Variants in PRDM15 observed in about 807,000 individuals in gnomAD.
The protein encoded by PRDM15 is PR/SET domain 15, also known as PR domain zinc finger protein 15.
A neutral mutation model predicts 128.6 loss-of-function variants in PRDM15; 64 were observed. That is an observed-to-expected ratio of 0.50 (90% CI 0.41 to 0.61). PRDM15 has a LOEUF of 0.61. PRDM15 is among the 20% of genes least tolerant of loss of function. PRDM15 has a pLI of 0.00. For synonymous variants in PRDM15, 615 were observed against 621.8 expected, an observed-to-expected ratio of 0.99 and a Z score of 0.16; for missense variants, 1,242 against 1,569.1, an observed-to-expected ratio of 0.79 and a Z score of 3.52.
chr21:41,802,944 C>T (rs748951155), intron 22 of PRDM15, 23 bp from the exon 23 acceptor site: 17 of 1,607,550 alleles, frequency 1.1e-5, no homozygotes, highest in African/African-American at 4.0e-5. Context: ...CGGTTTCAGC[C>T]GAGAACCAGG....
At chr21:41,829,854 T>C (rs922099715) in intron 11 of PRDM15, among the ~76,000 whole-genome samples, 1,617 of 142,726 alleles carry the variant, frequency 0.011, 31 homozygotes, top group African/African-American at 0.04. Context: ...ACCATATACA[T>C]TATCACATAC....
chr21:41,812,447 GGGGGA>G (rs2061895443), intron 19 of PRDM15: 1 of 152,314 alleles, frequency 6.6e-6, no homozygotes, highest in East Asian at 1.9e-4. Context: ...TTAGAGCCCG[GGGGGA>G]GGCGTACAGA....
chr21:41,808,724 CATT>C (rs200206575), intron 21 of PRDM15, among the ~76,000 whole-genome samples: 2,410 of 152,282 alleles, frequency 0.016, 49 homozygotes, highest in Non-Finnish European at 0.019. Flanking sequence ...TGTATACACA[CATT>C]ATATATGTGC....
chr21:41,836,213 GAACC>G lies in PRDM15; in HGVS notation c.1184-10_1184-7del. The G allele has an allele frequency of 6.2e-7, 1 of 1,612,990 alleles. No homozygotes were observed. The highest frequency in any genetic ancestry group is 1.7e-5 in the Admixed American group (1 of 59,996). On this transcript the variant is annotated splice_region_variant and splice_polypyrimidine_tract_variant and intron_variant, in intron 9 of 23. Coordinates refer to ENST00000398548, the MANE Select transcript of PRDM15 (RefSeq NM_001040424.3). ...GCACTTAAACAGCTTGTCACCTGAG[GAACC>G]AACCAACAGAGAGCTCATTCACTAC...
At chr21:41,805,659 C>A (rs73373489) in intron 21 of PRDM15, among the ~76,000 whole-genome samples, 5,987 of 152,064 alleles carry the variant, frequency 0.039, 262 homozygotes, top group African/African-American at 0.11. Flanking sequence ...GCAAAGGACC[C>A]TGAGCAAAAG....
chr21:41,837,576 G>T (rs1219225782), intron 8 of PRDM15, among the ~76,000 whole-genome samples: 1 of 152,142 alleles, frequency 6.6e-6, no homozygotes, highest in East Asian at 1.9e-4. Flanking sequence ...CAGCGTTTCA[G>T]CTTGGGAAGA....
intron 1 of PRDM15, chr21:41,861,430 C>T: frequency 5.5e-6 from 4 of 732,018 alleles, no homozygotes; most frequent in South Asian, 1.8e-5. Flanking sequence ...GCCTCACATT[C>T]CTGGGCTGTA....
At position 41,821,235 on chromosome 21, in the gene PRDM15, G is replaced by C; in HGVS notation, c.1897-5C>G. The C allele has an allele frequency of 6.2e-7, 1 of 1,614,014 alleles. No individual in the cohort carries two copies. The highest frequency in any genetic ancestry group is 8.5e-7 in the Non-Finnish European group (1 of 1,180,018). ...CTTCCCCCGGCCGAAGGTGAGCTGC[G>C]GGCCAGGTGGACAGGGCACTGCTGA... is the stretch of plus-strand genomic sequence containing the variant. On this transcript the variant is annotated splice_region_variant and splice_polypyrimidine_tract_variant and intron_variant, in intron 15 of 23. Coordinates refer to ENST00000398548, the MANE Select transcript of PRDM15 (RefSeq NM_001040424.3). The surrounding 1 kb of genome is among the most constrained non-coding windows in gnomAD (Gnocchi z 5.4).
chr21:41,868,023 G>T (rs1349506985), intron 1 of PRDM15, among the ~76,000 whole-genome samples: 1 of 140,328 alleles, frequency 7.1e-6, no homozygotes, highest in Non-Finnish European at 1.5e-5. Context: ...ACTGCAGCCT[G>T]GGCAACATTG....
intron 6 of PRDM15, among the ~76,000 whole-genome samples, chr21:41,846,698 A>G (rs542576649): frequency 6.6e-6 from 1 of 152,350 alleles, no homozygotes; most frequent in African/African-American, 2.4e-5. Flanking sequence ...CCTTGTCTCA[A>G]AAAAAGAAAA....
chr21:41,827,589 G>C (rs2062514784), intron 12 of PRDM15, among the ~76,000 whole-genome samples: 1 of 152,206 alleles, frequency 6.6e-6, no homozygotes. Context: ...CGATCCTCCA[G>C]CTGCAGCCTC....
chr21:41,861,748 G>C, intron 1 of PRDM15: 1 of 1,613,934 alleles, frequency 6.2e-7, no homozygotes, highest in Non-Finnish European at 8.5e-7. Flanking sequence ...CTGAACTTGT[G>C]TGTCTGAGAG....
chr21:41,810,937 TTCA>T lies in PRDM15; in HGVS notation c.2393-104_2393-102del. The T allele has an allele frequency of 3.9e-6, 4 of 1,023,924 alleles. No homozygotes were observed. Among genetic ancestry groups the T allele is most frequent in the Non-Finnish European group, 6.1e-6 (4 of 658,636 alleles). The allele number at this position is 1,023,924 out of a possible 1,614,324, so 63.4% of individuals were successfully genotyped here. ...GACACGTTCCAGGCACTGTAGGGCC[TTCA>T]GGAGAAGGTGAATTGCAAGAAGACA... On this transcript the variant is annotated intron_variant, in intron 19 of 23. Coordinates refer to ENST00000398548, the MANE Select transcript of PRDM15 (RefSeq NM_001040424.3). This position sits in a 1 kb window ranked among gnomAD's most constrained non-coding sequence, Gnocchi z 6.4.
In PRDM15 at chr21:41,821,083, C is replaced by A; in HGVS notation, c.2044G>T (p.Asp682Tyr). ...HMVIHRENLP[D>Y]PNVQKYIHPC... The stretch of plus-strand genomic sequence containing the variant: ...AGGCCTCACTTCTGCACGTTGGGGT[C>A]CGGCAGGTTTTCACGGTGGATGACC... Residue 682 changes from aspartate to tyrosine, a missense_variant, in exon 16 of 24, where the codon GAC becomes TAC. Physicochemically the swap from Asp to Tyr is radical, Grantham distance 160. Coordinates refer to ENST00000398548, the MANE Select transcript of PRDM15 (RefSeq NM_001040424.3). This position sits in a 1 kb window ranked among gnomAD's most constrained non-coding sequence, Gnocchi z 5.4. 1 of 1,614,212 alleles carries A rather than the reference C, an allele frequency of 6.2e-7. No homozygotes were observed. Among genetic ancestry groups the A allele is most frequent in the Non-Finnish European group, 8.5e-7 (1 of 1,180,036 alleles).
intron 11 of PRDM15, among the ~76,000 whole-genome samples, chr21:41,831,048 A>G (rs2062673374): frequency 1.3e-5 from 2 of 152,216 alleles, no homozygotes; most frequent in African/African-American, 4.8e-5. Flanking sequence ...GGAGGACATG[A>G]CAGCTGGGTG....
At chr21:41,807,008 CCAT>C (rs2061702243) in intron 21 of PRDM15, among the ~76,000 whole-genome samples, 2 of 151,506 alleles carry the variant, frequency 1.3e-5, no homozygotes, top group South Asian at 2.1e-4. Flanking sequence ...TCTACCACCA[CCAT>C]CACCAACACC....
chr21:41,831,106 C>T (rs2062675895), intron 11 of PRDM15, among the ~76,000 whole-genome samples: 1 of 152,250 alleles, frequency 6.6e-6, no homozygotes, highest in Non-Finnish European at 1.5e-5. Context: ...GGCCCCTGGG[C>T]TCTCACCCAT....
Position 41,874,694 on chromosome 21 carries a change from C to T in PRDM15, c.-10+4576G>A, listed in dbSNP as rs1008680573. On this transcript the variant is annotated intron_variant, in intron 1 of 23. Transcript: ENST00000398548. ...CACATCAAGAATTAAGGACCCTGAACTCACAGTGAGTTTGCCGTGAGCCGC... is the reference window on the plus strand; with the variant it reads ...CACATCAAGAATTAAGGACCCTGAATTCACAGTGAGTTTGCCGTGAGCCGC... 6 of 151,896 alleles carry T rather than the reference C, an allele frequency of 4.0e-5. 1 individual carries two copies. Among genetic ancestry groups the T allele is most frequent in the Admixed American group, 3.9e-4 (6 of 15,254 alleles). The allele number at this position is 151,896 out of a possible 1,614,324, so 9.4% of individuals were successfully genotyped here.
chr21:41,836,333 C>T (rs75462889), intron 9 of PRDM15, 126 bp from the exon 10 acceptor site: 52,354 of 1,271,414 alleles, frequency 0.041, 1,300 homozygotes, highest in Middle Eastern at 0.073. Context: ...CAGAGATGAT[C>T]GCCCACAAAT....
Sources: allele counts gnomAD v4.1 joint callset (sites outside exome capture counted in the v4.1 genomes callset), GRCh38; gene constraint gnomAD v4.1.1; non-coding constraint Gnocchi (gnomAD v3.1); transcripts MANE v1.5; gene names NCBI Gene and HGNC (gene_info 2026-07-23, HGNC 2026-07-21).